The following PCF11 variants were observed in gnomAD, a reference collection of about 807,000 sequenced individuals.
PCF11 encodes the protein pre-mRNA cleavage complex 2 protein Pcf11.
In PCF11, 19 loss-of-function variants were observed where a neutral mutation model predicts 166.1. The observed-to-expected ratio is 0.11, with a 90% CI of 0.08 to 0.17. The LOEUF (loss-of-function observed/expected upper bound fraction) is 0.17, where lower values mean the gene tolerates loss of function less well. Ranked by LOEUF, PCF11 falls within the 10% of genes least tolerant of loss-of-function variation. PCF11 has a pLI of 1.00. For missense variants in PCF11, 1,565 were observed against 1,855.5 expected (o/e 0.84, Z 2.88); for synonymous variants, 663 against 644.1 (o/e 1.03, Z -0.44).
intron 12 of PCF11, 25 bp from the exon 13 acceptor site, chr11:83,181,829 C>G: frequency 6.5e-7 from 1 of 1,534,566 alleles, no homozygotes; most frequent in Non-Finnish European, 8.8e-7. Context: ...ATGGAATAAT[C>G]TTTTAAAAAT....
chr11:83,184,614 T>C (rs1307420727), intron 15 of PCF11, 65 bp from the exon 16 acceptor site: 10 of 1,106,996 alleles, frequency 9.0e-6, no homozygotes, highest in Non-Finnish European at 1.2e-5. Context: ...CTTACAAGAC[T>C]AAATGTTATT....
exon 5 of PCF11, chr11:83,166,612 A>G: frequency 6.2e-7 from 1 of 1,613,944 alleles, no homozygotes; most frequent in East Asian, 2.2e-5. Flanking sequence ...ACTACAAATC[A>G]GCATTCTACA....
chr11:83,173,116 A>G (rs1590932094), intron 9 of PCF11, among the ~76,000 whole-genome samples: 1 of 152,346 alleles, frequency 6.6e-6, no homozygotes. Context: ...ATAAATGCGC[A>G]GGCTTTAAGC....
At chr11:83,176,323 A>G (rs1860877780) in intron 9 of PCF11, among the ~76,000 whole-genome samples, 1 of 152,184 alleles carries the variant, frequency 6.6e-6, no homozygotes, top group Non-Finnish European at 1.5e-5. Flanking sequence ...TGACCCAGCA[A>G]TCCCATTACT....
At chr11:83,184,474 TC>T in intron 15 of PCF11, 1 of 520,480 alleles carries the variant, frequency 1.9e-6, no homozygotes, top group Non-Finnish European at 3.3e-6. Flanking sequence ...ACTGCTTAAC[TC>T]ACTGCTGAGT....
intron 1 of PCF11, chr11:83,158,388 A>C (rs1860083034): frequency 6.6e-6 from 1 of 152,204 alleles, no homozygotes; most frequent in Admixed American, 6.5e-5. Context: ...ACTGGCCCAG[A>C]GGGTAACAAG....
intron 1 of PCF11, chr11:83,158,558 T>G (rs1483442408): frequency 6.6e-6 from 1 of 152,264 alleles, no homozygotes; most frequent in East Asian, 1.9e-4. Flanking sequence ...TGGATTCATA[T>G]GGGAGCGATA....
chr11:83,170,665 C>A (rs1244798626), intron 8 of PCF11, among the ~76,000 whole-genome samples: 1 of 152,164 alleles, frequency 6.6e-6, no homozygotes, highest in Non-Finnish European at 1.5e-5. Context: ...AGTATGTTTA[C>A]AATTTGTGAT....
At chr11:83,169,803 A>C in exon 8 of PCF11, 1 of 1,613,790 alleles carries the variant, frequency 6.2e-7, no homozygotes, top group Non-Finnish European at 8.5e-7. Context: ...AAAGACATGA[A>C]CAAATATTTG....
chr11:83,159,484 C>T (rs1860144416), intron 1 of PCF11, among the ~76,000 whole-genome samples: 1 of 152,086 alleles, frequency 6.6e-6, no homozygotes, highest in Admixed American at 6.6e-5. Flanking sequence ...TCCGGAAGAC[C>T]TTCGAGAACC....
At chr11:83,168,324 C>T (rs2135426588) in intron 7 of PCF11, 104 bp from the exon 8 acceptor site, 2 of 1,091,202 alleles carry the variant, frequency 1.8e-6, no homozygotes, top group Admixed American at 2.8e-5. Context: ...TCTCTCCTGC[C>T]CCTCTAATGT....
Position 83,169,046 on chromosome 11 carries a change from T to A in PCF11, c.2711T>A (p.Phe904Tyr), listed in dbSNP as rs776416342. 2.5e-6 allele frequency: 4 copies of A among 1,613,628 alleles called. No homozygotes were observed. The highest frequency in any genetic ancestry group is 3.4e-6 in the Non-Finnish European group (4 of 1,179,826). Residue 904 changes from phenylalanine (F) to tyrosine (Y), a missense_variant, in exon 8 of 16, where the codon TTT (phenylalanine) becomes TAT (tyrosine). Phe to Tyr is a conservative substitution (Grantham distance 22). This residue lies in a region of PCF11 where 725 missense variants were observed against 749.3 expected (regional missense o/e 0.97). Coordinates refer to ENST00000298281, the Ensembl canonical transcript of PCF11. ...GGTCAGCCTGTGGGTGGACTTAGAT[T>A]TGATAATCCCCGAGGTCAGCCTGTA...
At chr11:83,166,558 A>T in exon 5 of PCF11, 3 of 1,613,996 alleles carry the variant, frequency 1.9e-6, no homozygotes, top group Non-Finnish European at 2.5e-6. Flanking sequence ...GATATTCGGG[A>T]TCCAAGGCGA....
chr11:83,159,303 T>A (rs941911684), intron 1 of PCF11, among the ~76,000 whole-genome samples: 1 of 152,176 alleles, frequency 6.6e-6, no homozygotes, highest in Non-Finnish European at 1.5e-5. Flanking sequence ...AGTTTTTGCC[T>A]TGTTGAAGGC....
intron 2 of PCF11, 31 bp downstream of exon 2, chr11:83,161,483 T>G (rs1170734061): frequency 6.7e-7 from 1 of 1,499,548 alleles, no homozygotes; most frequent in African/African-American, 1.4e-5. Context: ...ATTTGCGTTT[T>G]TTTTTAAAAA....
intron 3 of PCF11, 71 bp downstream of exon 3, chr11:83,163,938 C>G (rs1860352890): frequency 1.0e-5 from 7 of 690,598 alleles, no homozygotes; most frequent in Non-Finnish European, 1.6e-5. Context: ...GCAGAACTTA[C>G]TGCCAGAAAG....
exon 5 of PCF11, chr11:83,166,224 G>A (rs779748915): frequency 1.2e-6 from 2 of 1,613,336 alleles, no homozygotes. Flanking sequence ...ACACAGACTG[G>A]CTGGAAGTAG....
chr11:83,166,721 T>C lies in PCF11; in HGVS notation c.1817+7T>C. ...GTTGGGAAGAAAATAAAAGGTATGA[T>C]GTTAACATTTTAAGTCAAGTGTAGT... On this transcript the variant is annotated splice_region_variant and intron_variant, in intron 5 of 15. Transcript: ENST00000298281. 6.4e-7 allele frequency: 1 copy of C among 1,573,786 alleles called. No homozygotes were observed. Among genetic ancestry groups the C allele is most frequent in the South Asian group, 1.2e-5 (1 of 84,456 alleles).
intron 9 of PCF11, 118 bp downstream of exon 9, chr11:83,172,032 A>G (rs1449099759): frequency 4.8e-6 from 3 of 627,720 alleles, no homozygotes; most frequent in Non-Finnish European, 8.4e-6. Flanking sequence ...ATTTAGAGAA[A>G]TTTAATCTGG....
Sources: allele counts gnomAD v4.1 joint callset (sites outside exome capture counted in the v4.1 genomes callset), GRCh38; gene constraint gnomAD v4.1.1; regional missense constraint gnomAD v4.1.1; transcripts MANE v1.5; gene names NCBI Gene and HGNC (gene_info 2026-07-23, HGNC 2026-07-21).